The following ST6GALNAC3 variants were observed in gnomAD, a reference collection of about 807,000 sequenced individuals.
The protein encoded by ST6GALNAC3 is ST6 N-acetylgalactosaminide alpha-2,6-sialyltransferase 3.
A neutral mutation model predicts 32.7 loss-of-function variants in ST6GALNAC3; 25 were observed. That is an observed-to-expected ratio of 0.76 (90% CI 0.56 to 1.07). The LOEUF is 1.07. Among genes scored for constraint, ST6GALNAC3 ranks in the 50% least tolerant of loss-of-function variants. The pLI is 0.00. For missense variants in ST6GALNAC3, 355 were observed against 382.4 expected (o/e 0.93, Z 0.60); for synonymous variants, 129 against 133.1 (o/e 0.97, Z 0.21).
At chr1:76,478,970 A>G (rs570509249) in intron 3 of ST6GALNAC3, among the ~76,000 whole-genome samples, 56 of 151,844 alleles carry the variant, frequency 3.7e-4, no homozygotes, top group Admixed American at 1.1e-3. Flanking sequence ...TCACTGTGTT[A>G]GACAGGATGG....
At chr1:76,404,466 A>AT (rs968557966) in intron 2 of ST6GALNAC3, among the ~76,000 whole-genome samples, 1 of 151,968 alleles carries the variant, frequency 6.6e-6, no homozygotes, top group Non-Finnish European at 1.5e-5. Context: ...ATTAAAATAC[A>AT]TTTTTTTATC....
chr1:76,576,421 C>T (rs909264314), intron 3 of ST6GALNAC3, among the ~76,000 whole-genome samples: 5 of 152,014 alleles, frequency 3.3e-5, no homozygotes, highest in African/African-American at 1.2e-4. Context: ...TTGCTTCCTG[C>T]AAAGTTAATT....
At chr1:76,094,161 G>A (rs289676) in intron 1 of ST6GALNAC3, among the ~76,000 whole-genome samples, 31,416 of 152,030 alleles carry the variant, frequency 0.21, 3,385 homozygotes, top group African/African-American at 0.24. Context: ...GGAGTCTAGA[G>A]GGGTCAGGGG....
At chr1:76,297,619 CA>C (rs1288846238) in intron 1 of ST6GALNAC3, among the ~76,000 whole-genome samples, 1 of 151,980 alleles carries the variant, frequency 6.6e-6, no homozygotes, top group East Asian at 1.9e-4. Flanking sequence ...TTGAGCAAAT[CA>C]TTCATCTTTT....
At chr1:76,250,488 C>T (rs1657546156) in intron 1 of ST6GALNAC3, among the ~76,000 whole-genome samples, 1 of 152,164 alleles carries the variant, frequency 6.6e-6, no homozygotes, top group South Asian at 2.1e-4. Context: ...TCAATTCCTG[C>T]TCACTTGGAA....
At chr1:76,196,580 G>A (rs72996565) in intron 1 of ST6GALNAC3, among the ~76,000 whole-genome samples, 12,835 of 151,368 alleles carry the variant, frequency 0.085, 600 homozygotes, top group African/African-American at 0.12. Context: ...ATTCTCCCAC[G>A]TCAGCCTCTC....
intron 1 of ST6GALNAC3, among the ~76,000 whole-genome samples, chr1:76,077,341 C>G (rs1646831040): frequency 6.6e-6 from 1 of 151,860 alleles, no homozygotes; most frequent in Non-Finnish European, 1.5e-5. Context: ...AAAGATTTTC[C>G]TCTGCCCTCT....
chr1:76,271,504 G>A (rs1658841966), intron 1 of ST6GALNAC3, among the ~76,000 whole-genome samples: 2 of 152,074 alleles, frequency 1.3e-5, no homozygotes, highest in Non-Finnish European at 2.9e-5. Context: ...ATGCTTTATT[G>A]GGACAAAACA....
In ST6GALNAC3 at chr1:76,312,030, A is replaced by G. The variant is rs368365819; in HGVS notation, c.19-1775A>G. Among the ~76,000 whole-genome samples the G allele has an allele frequency of 9.4e-4, 143 of 152,306 alleles. 1 individual carries two copies. The highest frequency in any genetic ancestry group is 3.4e-3 in the Middle Eastern group (1 of 292). On this transcript the variant is annotated intron_variant, in intron 1 of 4. Coordinates refer to ENST00000328299, the MANE Select transcript of ST6GALNAC3 (RefSeq NM_152996.4). ...TTTGATTTGCACTTCTCTAATGAATAGTGATGATGACCTTTTTTTCATATG... is the reference window on the plus strand; with the variant it reads ...TTTGATTTGCACTTCTCTAATGAATGGTGATGATGACCTTTTTTTCATATG...
chr1:76,147,292 A>C (rs1650748597), intron 1 of ST6GALNAC3, among the ~76,000 whole-genome samples: 1 of 151,942 alleles, frequency 6.6e-6, no homozygotes, highest in African/African-American at 2.4e-5. Flanking sequence ...CGAACTCCTG[A>C]CCTCAGGTGA....
intron 2 of ST6GALNAC3, among the ~76,000 whole-genome samples, chr1:76,325,075 G>A (rs2100936034): frequency 6.6e-6 from 1 of 152,240 alleles, no homozygotes; most frequent in South Asian, 2.1e-4. Context: ...GATACAGGAA[G>A]GTTTGCTTTT....
chr1:76,506,379 G>A (rs1222634566), intron 3 of ST6GALNAC3, among the ~76,000 whole-genome samples: 3 of 152,182 alleles, frequency 2.0e-5, no homozygotes, highest in African/African-American at 7.2e-5. Context: ...TGGCCTAATG[G>A]TCACTTTTTT....
chr1:76,303,657 T>G (rs1267157445), intron 1 of ST6GALNAC3, among the ~76,000 whole-genome samples: 1 of 152,108 alleles, frequency 6.6e-6, no homozygotes, highest in Non-Finnish European at 1.5e-5. Context: ...GTTATCTATT[T>G]CTCATTCCAT....
At chr1:76,428,233 T>C (rs1439992286) in intron 3 of ST6GALNAC3, among the ~76,000 whole-genome samples, 2 of 152,134 alleles carry the variant, frequency 1.3e-5, no homozygotes, top group East Asian at 3.9e-4. Context: ...ATTGAACAAT[T>C]CAAAAAATTT....
chr1:76,613,330 T>A (rs1198337257), intron 3 of ST6GALNAC3, among the ~76,000 whole-genome samples: 4 of 152,194 alleles, frequency 2.6e-5, no homozygotes, highest in African/African-American at 9.7e-5. Context: ...CCTCTTCATT[T>A]ATTCTCCTTC....
intron 1 of ST6GALNAC3, among the ~76,000 whole-genome samples, chr1:76,156,818 G>A (rs1016557611): frequency 1.3e-5 from 2 of 152,142 alleles, no homozygotes; most frequent in East Asian, 1.9e-4. Flanking sequence ...TGCAAGCTCC[G>A]CCTCCCGGGT....
chr1:76,607,842 G>A (rs1317107505), intron 3 of ST6GALNAC3, among the ~76,000 whole-genome samples: 1 of 152,156 alleles, frequency 6.6e-6, no homozygotes, highest in African/African-American at 2.4e-5. Context: ...ATAATCTGCA[G>A]CTCTGATTCT....
At chr1:76,274,527 T>A (rs1659028920) in intron 1 of ST6GALNAC3, among the ~76,000 whole-genome samples, 1 of 152,158 alleles carries the variant, frequency 6.6e-6, no homozygotes, top group South Asian at 2.1e-4. Context: ...AATCCACAAG[T>A]AAGCAATTCA....
intron 3 of ST6GALNAC3, among the ~76,000 whole-genome samples, chr1:76,523,255 T>C (rs947479770): frequency 6.6e-6 from 1 of 152,188 alleles, no homozygotes; most frequent in Non-Finnish European, 1.5e-5. Flanking sequence ...TTTTGCTGTA[T>C]AATTTATCTA....
Sources: gnomAD v4.1 joint callset for allele counts (sites outside exome capture counted in the v4.1 genomes callset) on GRCh38, gnomAD v4.1.1 for gene constraint, MANE v1.5 for transcripts, NCBI Gene and HGNC (gene_info 2026-07-23, HGNC 2026-07-21) for gene names.